The following CDK15 variants were observed in gnomAD, a reference collection of about 807,000 sequenced individuals.
CDK15 encodes cyclin dependent kinase 15.
Under a neutral mutation model 60.3 loss-of-function variants are expected in CDK15, and 62 were observed. The observed-to-expected ratio is 1.03, with a 90% confidence interval of 0.84 to 1.27. The LOEUF is 1.27. Ranked by LOEUF, CDK15 falls within the 50% of genes most tolerant of loss-of-function variation. The pLI is 0.00. For missense variants in CDK15, 541 were observed against 527.8 expected, an observed-to-expected ratio of 1.03 and a Z score of -0.25; for synonymous variants, 194 against 195.7, an observed-to-expected ratio of 0.99 and a Z score of 0.07.
rs372366531 is a variant in CDK15 at position 201,887,535 on chromosome 2, T to C, written c.1199-3250T>C. On this transcript the variant is annotated intron_variant, in intron 12 of 13. Transcript: ENST00000652192. ...GTTTCCCAACATAATGTGTTTTGGC[T>C]GTAATAAACCTCAGTTTCTCCATCT... 6.6e-5 allele frequency among the ~76,000 whole-genome samples: 10 copies of C among 152,218 alleles called. No individual in the cohort carries two copies. The East Asian group carries it at 1.5e-3, about 23-fold the overall frequency.
At chr2:201,869,008 A>G (rs1698747949) in intron 10 of CDK15, among the ~76,000 whole-genome samples, 1 of 152,218 alleles carries the variant, frequency 6.6e-6, no homozygotes, top group Admixed American at 6.5e-5. Context: ...ATACCATTTG[A>G]CCCAGCAATC....
intron 6 of CDK15, among the ~76,000 whole-genome samples, chr2:201,833,328 C>A (rs1429369496): frequency 1.3e-5 from 2 of 151,722 alleles, no homozygotes; most frequent in East Asian, 3.9e-4. Context: ...ATAAAGATTT[C>A]TTTATTTTCT....
chr2:201,813,736 A>C (rs1695872728), intron 4 of CDK15, among the ~76,000 whole-genome samples: 1 of 152,232 alleles, frequency 6.6e-6, no homozygotes, highest in South Asian at 2.1e-4. Flanking sequence ...ACAAGCATGG[A>C]AAAAGCAATT....
rs769173003 is a variant in CDK15 at position 201,822,808 on chromosome 2, G to T, written c.449-1G>T. 7.6e-6 allele frequency: 12 copies of T among 1,589,190 alleles called. No homozygotes were observed. The highest frequency in any genetic ancestry group is 1.0e-5 in the Non-Finnish European group (12 of 1,158,422). On this transcript the variant is annotated splice_acceptor_variant, in intron 4 of 13. Coordinates refer to ENST00000652192, the MANE Select transcript of CDK15 (RefSeq NM_001366386.2). LOFTEE classifies it high-confidence loss of function. ...TTTAACATTTTGTTTAATTTTTCTA[G>T]CTTCTCTCCTGAAGGGTTTGAAACA...
At chr2:201,843,422 T>A (rs6720591) in intron 8 of CDK15, among the ~76,000 whole-genome samples, 2,337 of 152,252 alleles carry the variant, frequency 0.015, 67 homozygotes, top group African/African-American at 0.053. Flanking sequence ...GACCTCATGA[T>A]CTGCCCGCCT....
intron 4 of CDK15, among the ~76,000 whole-genome samples, chr2:201,816,417 T>C (rs1203142659): frequency 1.3e-5 from 2 of 151,016 alleles, no homozygotes; most frequent in African/African-American, 4.9e-5. Context: ...CTTAGGATAA[T>C]GGCCTCCATC....
chr2:201,861,146 C>T (rs1698376162), intron 10 of CDK15: 2 of 1,029,310 alleles, frequency 1.9e-6, no homozygotes, highest in African/African-American at 3.4e-5. Context: ...CCCCCTTTTA[C>T]TATCTGGGGT....
intron 6 of CDK15, among the ~76,000 whole-genome samples, chr2:201,825,280 T>C (rs1696422063): frequency 7.0e-6 from 1 of 143,688 alleles, no homozygotes; most frequent in African/African-American, 2.6e-5. Context: ...ACCAATGCAC[T>C]GTAGCCTGGA....
chr2:201,812,641 CA>C, intron 4 of CDK15, 79 bp downstream of exon 4: 1 of 797,966 alleles, frequency 1.3e-6, no homozygotes. Flanking sequence ...TTGATCCATT[CA>C]GCATCTAGTT....
chr2:201,870,988 T>C (rs558702532), intron 10 of CDK15, among the ~76,000 whole-genome samples: 1 of 152,164 alleles, frequency 6.6e-6, no homozygotes. Flanking sequence ...TTGGGTTAAA[T>C]GGTATCAATA....
At chr2:201,846,471 C>T (rs1034188494) in intron 8 of CDK15, among the ~76,000 whole-genome samples, 9 of 143,738 alleles carry the variant, frequency 6.3e-5, no homozygotes, top group Non-Finnish European at 6.0e-5. Context: ...CCAGCCTGGG[C>T]GACAGACCAA....
At position 201,867,672 on chromosome 2, in the gene CDK15, C is replaced by T. The variant is rs1033313901; in HGVS notation, c.1010-4606C>T. The stretch of plus-strand genomic sequence containing the variant: ...TCATAATAACAGTACAATAAGTAAC[C>T]AATGTCTGGACCCTTCCCAGGCTAG... On this transcript the variant is annotated intron_variant, in intron 10 of 13. Transcript: ENST00000652192. 5.9e-5 allele frequency among the ~76,000 whole-genome samples: 9 copies of T among 152,006 alleles called. 1 individual carries two copies. The highest frequency in any genetic ancestry group is 1.5e-5 in the Non-Finnish European group (1 of 67,982).
intron 10 of CDK15, among the ~76,000 whole-genome samples, chr2:201,870,112 C>T (rs986863671): frequency 6.6e-6 from 1 of 152,212 alleles, no homozygotes; most frequent in African/African-American, 2.4e-5. Flanking sequence ...TCACTCCTTT[C>T]ACTCTACAAC....
intron 8 of CDK15, among the ~76,000 whole-genome samples, chr2:201,843,154 T>C (rs1378472941): frequency 6.6e-6 from 1 of 152,060 alleles, no homozygotes; most frequent in Non-Finnish European, 1.5e-5. Flanking sequence ...AAGAAACAGT[T>C]CTGAACAGAA....
chr2:201,879,272 A>G (rs900486217), intron 11 of CDK15, among the ~76,000 whole-genome samples: 1 of 152,140 alleles, frequency 6.6e-6, no homozygotes, highest in Admixed American at 6.5e-5. Flanking sequence ...AAACAAGTGT[A>G]TTTTCTACCC....
At position 201,890,920 on chromosome 2, in the gene CDK15, T is replaced by C. The variant is rs774472112; in HGVS notation, c.*26T>C. On this transcript the variant is annotated 3_prime_UTR_variant, in exon 13 of 14. Transcript: ENST00000652192. The stretch of plus-strand genomic sequence containing the variant: ...AAAGAAAGGGCGAGATCACCAAGGT[T>C]CTTCCAGGTAAGTGGTTGCAACAGT... 1 of 1,561,918 alleles carries C rather than the reference T, an allele frequency of 6.4e-7. No individual in the cohort carries two copies. The highest frequency in any genetic ancestry group is 8.8e-7 in the Non-Finnish European group (1 of 1,134,902).
chr2:201,823,853 G>GA (rs1438963159), intron 6 of CDK15, 126 bp downstream of exon 6: 8 of 730,664 alleles, frequency 1.1e-5, no homozygotes, highest in Admixed American at 5.9e-5. Flanking sequence ...TGATATTCCA[G>GA]AAAAAAGTTT....
At chr2:201,817,099 A>G (rs896254331) in intron 4 of CDK15, among the ~76,000 whole-genome samples, 3 of 152,188 alleles carry the variant, frequency 2.0e-5, no homozygotes, top group African/African-American at 7.2e-5. Flanking sequence ...GTCTAACACC[A>G]CAGGCTCACC....
At chr2:201,825,638 TCG>T (rs752827534) in intron 6 of CDK15, among the ~76,000 whole-genome samples, 22 of 152,310 alleles carry the variant, frequency 1.4e-4, no homozygotes, top group South Asian at 1.0e-3. Flanking sequence ...ATCTGCACCA[TCG>T]CGGGACTTTT....
Sources: allele counts gnomAD v4.1 joint callset (sites outside exome capture counted in the v4.1 genomes callset), GRCh38; gene constraint gnomAD v4.1.1; transcripts MANE v1.5; gene names NCBI Gene and HGNC (gene_info 2026-07-23, HGNC 2026-07-21).